Variants in N4BP2 observed in about 807,000 individuals in gnomAD.
N4BP2 encodes the protein NEDD4 binding protein 2.
In N4BP2, 91 loss-of-function variants were observed where a neutral mutation model predicts 152.8. The observed-to-expected ratio is 0.60, with a 90% CI of 0.50 to 0.71. The LOEUF is 0.71. Ranked by LOEUF, N4BP2 falls within the 30% of genes least tolerant of loss-of-function variation. The pLI, the probability that N4BP2 is intolerant of heterozygous loss-of-function variation, is 0.00. For synonymous variants in N4BP2, 646 were observed against 705.3 expected, an observed-to-expected ratio of 0.92 and a Z score of 1.33; for missense variants, 1,923 against 2,059.1, an observed-to-expected ratio of 0.93 and a Z score of 1.28.
At chr4:40,059,652 A>AAAACGCT (rs1733499885) in intron 1 of N4BP2, among the ~76,000 whole-genome samples, 1 of 151,014 alleles carries the variant, frequency 6.6e-6, no homozygotes, top group African/African-American at 2.5e-5. Flanking sequence ...GCCTGGCCTT[A>AAAACGCT]GATTGAACAC....
At position 40,120,511 on chromosome 4, in the gene N4BP2, G is replaced by A. The variant is rs900742249; in HGVS notation, c.2400G>A (p.Arg800=). ...CAGTTGATAAGACTATTGGTCAGAG[G>A]ACAAAAAGGAACAGAAAAACTGAAA... ...DWPVDKTIGQ[R]TKRNRKTEKT... The change falls in exon 9 of 18, where the codon AGG becomes AGA. Residue 800 remains arginine, a synonymous_variant. Coordinates refer to ENST00000261435, the MANE Select transcript of N4BP2 (RefSeq NM_018177.6). 5.0e-6 allele frequency: 8 copies of A among 1,613,254 alleles called. No individual in the cohort carries two copies. In the African/African-American group the frequency reaches 1.1e-4, roughly 22 times the overall value.
chr4:40,176,118 A>G, the N4BP2 span, among the ~76,000 whole-genome samples: 2 of 151,870 alleles, frequency 1.3e-5, no homozygotes, highest in Non-Finnish European at 2.9e-5. Context: ...AGAAAGAAAA[A>G]AAACAAATTT....
intron 16 of N4BP2, 44 bp downstream of exon 16, chr4:40,144,844 T>A: frequency 1.3e-6 from 2 of 1,487,594 alleles, no homozygotes; most frequent in Non-Finnish European, 1.8e-6. Flanking sequence ...ATATATGTCT[T>A]TGCTTATATT....
At chr4:40,174,846 A>G in the N4BP2 span, among the ~76,000 whole-genome samples, 3 of 151,924 alleles carry the variant, frequency 2.0e-5, no homozygotes, top group African/African-American at 7.2e-5. Flanking sequence ...GTTTGGGAGG[A>G]AAAAAAGAAA....
chr4:40,065,936 T>A (rs1218560549), intron 1 of N4BP2, among the ~76,000 whole-genome samples: 1 of 121,950 alleles, frequency 8.2e-6, no homozygotes, highest in Non-Finnish European at 1.6e-5. Context: ...CAGTAAAGCA[T>A]TTTTTTTTTT....
chr4:40,137,936 G>C (rs1282552022), intron 14 of N4BP2, among the ~76,000 whole-genome samples: 1 of 152,180 alleles, frequency 6.6e-6, no homozygotes, highest in Non-Finnish European at 1.5e-5. Flanking sequence ...GAGGAAGTTG[G>C]AGGCATAGTT....
chr4:40,175,191 TG>T, the N4BP2 span, among the ~76,000 whole-genome samples: 1 of 151,784 alleles, frequency 6.6e-6, no homozygotes, highest in African/African-American at 2.4e-5. Flanking sequence ...TGGCTAAGTT[TG>T]TTTTTTTTAT....
the N4BP2 span, among the ~76,000 whole-genome samples, chr4:40,172,764 A>T: frequency 1.3e-5 from 2 of 152,228 alleles, no homozygotes; most frequent in Non-Finnish European, 2.9e-5. Context: ...GGATCAGTTC[A>T]ACTCAGCAGT....
At chr4:40,167,187 A>G in the N4BP2 span, 2 of 152,230 alleles carry the variant, frequency 1.3e-5, no homozygotes, top group Admixed American at 1.3e-4. Context: ...AAATTGATAC[A>G]ACTGCTGGAA....
At chr4:40,070,716 G>C (rs777323830) in intron 1 of N4BP2, among the ~76,000 whole-genome samples, 7 of 152,164 alleles carry the variant, frequency 4.6e-5, no homozygotes, top group Non-Finnish European at 1.0e-4. Flanking sequence ...CTCGCAAAGT[G>C]CTGGGATTAC....
chr4:40,092,895 C>T (rs564440921), intron 2 of N4BP2, among the ~76,000 whole-genome samples: 51 of 151,814 alleles, frequency 3.4e-4, no homozygotes, highest in Admixed American at 1.3e-3. Context: ...CCACCCACCT[C>T]AGCCTCCCAA....
At position 40,124,147 on chromosome 4, in the gene N4BP2, C is replaced by T. The variant is rs759971747; in HGVS notation, c.4285-13C>T. The T allele has an allele frequency of 4.4e-6, 7 of 1,604,702 alleles. No individual in the cohort carries two copies. In the South Asian group the frequency reaches 5.6e-5, roughly 13 times the overall value. On this transcript the variant is annotated splice_polypyrimidine_tract_variant and intron_variant, in intron 10 of 17. Coordinates refer to ENST00000261435, the MANE Select transcript of N4BP2 (RefSeq NM_018177.6). The stretch of plus-strand genomic sequence containing the variant: ...CCCTGTTTGCCAATCTCTTGCCTGG[C>T]TTTTGTGTTTAGGAGCGACAAAGAC...
the N4BP2 span, among the ~76,000 whole-genome samples, chr4:40,189,573 A>T: frequency 6.6e-6 from 1 of 152,060 alleles, no homozygotes; most frequent in South Asian, 2.1e-4. The surrounding 1 kb of genome is among the most constrained non-coding windows in gnomAD (Gnocchi z 4.3). Context: ...AAACCTACGG[A>T]TTTACGCCGA....
chr4:40,177,720 T>A, the N4BP2 span, among the ~76,000 whole-genome samples: 4 of 152,210 alleles, frequency 2.6e-5, no homozygotes, highest in Admixed American at 2.6e-4. Flanking sequence ...TGCTCTCATT[T>A]TCTAGTGTCA....
chr4:40,145,369 G>A (rs906011563), intron 16 of N4BP2, among the ~76,000 whole-genome samples: 4 of 152,030 alleles, frequency 2.6e-5, no homozygotes, highest in Non-Finnish European at 4.4e-5. Context: ...GATTACAGGC[G>A]GGTGTCACCA....
chr4:40,161,694 C>T (rs985863566), downstream of N4BP2, among the ~76,000 whole-genome samples: 14 of 152,090 alleles, frequency 9.2e-5, no homozygotes, highest in Middle Eastern at 3.2e-3. Flanking sequence ...GCTGTGGGTA[C>T]TTAGGAAACA....
At chr4:40,096,166 G>C (rs1231036709) in intron 2 of N4BP2, among the ~76,000 whole-genome samples, 1 of 152,138 alleles carries the variant, frequency 6.6e-6, no homozygotes, top group Non-Finnish European at 1.5e-5. Flanking sequence ...CCCTTGTGGA[G>C]CTTACACTTT....
chr4:40,157,309 G>A lies in N4BP2; in HGVS notation c.*3072G>A, dbSNP rs1721680638. The A allele has an allele frequency of 6.6e-6, 1 of 151,610 alleles. No homozygotes were observed. The highest frequency in any genetic ancestry group is 1.5e-5 in the Non-Finnish European group (1 of 67,904). 9.4% of individuals were successfully genotyped at this position (151,610 alleles called of 1,614,324 possible). The stretch of plus-strand genomic sequence containing the variant: ...TTTCCATACTATTTGCAACTTTATG[G>A]CCTTTAAATATAGGACATATTATAT... On this transcript the variant is annotated 3_prime_UTR_variant, in exon 18 of 18. Coordinates refer to ENST00000261435, the MANE Select transcript of N4BP2 (RefSeq NM_018177.6).
In N4BP2 at chr4:40,073,561, A is replaced by C. The variant is rs1005998862; in HGVS notation, c.-115+10A>C. On this transcript the variant is annotated intron_variant, in intron 2 of 17. Transcript: ENST00000261435. ...CGATGCTAGACAGACAGTAAGTGTT[A>C]TTAAAGTTGTAGAGTATGAATATTT... 2 of 151,666 alleles carry C rather than the reference A, an allele frequency of 1.3e-5. No individual in the cohort carries two copies. Among genetic ancestry groups the C allele is most frequent in the African/African-American group, 4.8e-5 (2 of 41,328 alleles). 9.4% of individuals were successfully genotyped at this position (151,666 alleles called of 1,614,324 possible).
Sources: gnomAD v4.1 joint callset for allele counts (sites outside exome capture counted in the v4.1 genomes callset) on GRCh38, gnomAD v4.1.1 for gene constraint, Gnocchi (gnomAD v3.1) non-coding constraint, MANE v1.5 for transcripts, NCBI Gene and HGNC (gene_info 2026-07-23, HGNC 2026-07-21) for gene names.